Variants in SHISA9 observed in about 807,000 individuals in gnomAD.
SHISA9 encodes protein shisa-9.
Under a neutral mutation model 38.0 loss-of-function variants are expected in SHISA9, and 13 were observed. The observed-to-expected ratio is 0.34, with a 90% CI of 0.22 to 0.54. The LOEUF is 0.54. Among genes scored for constraint, SHISA9 ranks in the 20% least tolerant of loss-of-function variants. SHISA9 has a pLI of 0.91. For synonymous variants in SHISA9, 275 were observed against 242.0 expected (o/e 1.14, Z -1.27); for missense variants, 538 against 575.8 (o/e 0.93, Z 0.67).
chr16:13,531,727 G>C, the SHISA9 span, among the ~76,000 whole-genome samples: 1 of 152,134 alleles, frequency 6.6e-6, no homozygotes, highest in Non-Finnish European at 1.5e-5. Context: ...AGTAAGATGC[G>C]TAATCCCACC....
chr16:13,281,918 C>G, the SHISA9 span, among the ~76,000 whole-genome samples: 1 of 151,596 alleles, frequency 6.6e-6, no homozygotes, highest in Non-Finnish European at 1.5e-5. Context: ...GCTTTATATA[C>G]TTGTTTTATA....
intron 2 of SHISA9, among the ~76,000 whole-genome samples, chr16:13,200,935 T>A (rs2051000885): frequency 7.4e-6 from 1 of 135,526 alleles, no homozygotes; most frequent in African/African-American, 2.9e-5. Flanking sequence ...TCCGTATGCA[T>A]CAGGGGTTGA....
the SHISA9 span, among the ~76,000 whole-genome samples, chr16:13,534,224 CTT>C: frequency 2.6e-3 from 332 of 125,766 alleles, 1 homozygote; most frequent in African/African-American, 7.3e-3. Flanking sequence ...CACCATTTCA[CTT>C]TTTTTTTTTT....
At chr16:13,057,822 C>G (rs975781844) in intron 2 of SHISA9, among the ~76,000 whole-genome samples, 2 of 152,102 alleles carry the variant, frequency 1.3e-5, no homozygotes, top group Non-Finnish European at 2.9e-5. Flanking sequence ...CCACCACAGG[C>G]CCCATTGTGT....
intron 2 of SHISA9, among the ~76,000 whole-genome samples, chr16:13,155,116 G>GGAA (rs1183807852): frequency 1.3e-5 from 2 of 152,216 alleles, no homozygotes; most frequent in Non-Finnish European, 2.9e-5. Flanking sequence ...GGCTTGAAAT[G>GGAA]GAAGAGGCTG....
the SHISA9 span, chr16:13,258,582 C>G: frequency 6.6e-6 from 1 of 152,184 alleles, no homozygotes; most frequent in East Asian, 1.9e-4. Context: ...CTGATAAAGT[C>G]ATACCCGAAA....
At chr16:13,319,816 A>AT in the SHISA9 span, among the ~76,000 whole-genome samples, 4 of 151,632 alleles carry the variant, frequency 2.6e-5, no homozygotes, top group African/African-American at 9.7e-5. Flanking sequence ...AAAAAAAAAA[A>AT]ACAAGGCCAA....
At chr16:12,914,947 A>G (rs985985247) in intron 1 of SHISA9, among the ~76,000 whole-genome samples, 1 of 152,212 alleles carries the variant, frequency 6.6e-6, no homozygotes, top group Non-Finnish European at 1.5e-5. Context: ...TCGCTGCTGT[A>G]GTACGGTAAG....
chr16:13,361,959 CAGAG>C, the SHISA9 span, among the ~76,000 whole-genome samples: 1 of 152,140 alleles, frequency 6.6e-6, no homozygotes, highest in African/African-American at 2.4e-5. Flanking sequence ...GCTTTGGAGT[CAGAG>C]AGACCTAGAG....
chr16:13,346,643 T>G, the SHISA9 span, among the ~76,000 whole-genome samples: 1 of 152,224 alleles, frequency 6.6e-6, no homozygotes, highest in East Asian at 1.9e-4. Context: ...TATGTTTGTA[T>G]TTGTATAATT....
chr16:13,226,054 G>T (rs2051276204), intron 4 of SHISA9, among the ~76,000 whole-genome samples: 1 of 152,116 alleles, frequency 6.6e-6, no homozygotes, highest in Admixed American at 6.5e-5. Context: ...TTTATTAATG[G>T]GGCTTACAAG....
At chr16:13,354,405 A>T in the SHISA9 span, among the ~76,000 whole-genome samples, 1 of 149,374 alleles carries the variant, frequency 6.7e-6, no homozygotes, top group African/African-American at 2.5e-5. Flanking sequence ...TGGATCAGAG[A>T]GATACAGTCA....
At chr16:13,397,912 G>A in the SHISA9 span, among the ~76,000 whole-genome samples, 1 of 152,172 alleles carries the variant, frequency 6.6e-6, no homozygotes, top group Non-Finnish European at 1.5e-5. Flanking sequence ...TAATTGAGTG[G>A]AAGTAGCTCT....
At chr16:13,459,228 C>T in the SHISA9 span, among the ~76,000 whole-genome samples, 3 of 152,090 alleles carry the variant, frequency 2.0e-5, no homozygotes, top group South Asian at 2.1e-4. Flanking sequence ...AGGATGTGCC[C>T]GTACCTTACA....
the SHISA9 span, among the ~76,000 whole-genome samples, chr16:13,404,340 T>G: frequency 6.6e-6 from 1 of 152,188 alleles, no homozygotes; most frequent in Non-Finnish European, 1.5e-5. Context: ...AATGAGAATT[T>G]TGAAAGTTTT....
intron 2 of SHISA9, among the ~76,000 whole-genome samples, chr16:13,029,348 G>C (rs924527462): frequency 2.7e-5 from 4 of 148,658 alleles, no homozygotes; most frequent in Admixed American, 2.6e-4. Context: ...GCTTACGCCT[G>C]TAATCCCAGC....
At chr16:13,366,936 T>C in the SHISA9 span, among the ~76,000 whole-genome samples, 1 of 139,978 alleles carries the variant, frequency 7.1e-6, no homozygotes, top group Admixed American at 7.6e-5. Context: ...TGAGCTGAGA[T>C]CTCGCCACTG....
the SHISA9 span, among the ~76,000 whole-genome samples, chr16:13,347,155 A>G: frequency 6.6e-6 from 1 of 152,258 alleles, no homozygotes; most frequent in East Asian, 1.9e-4. Flanking sequence ...TTTTTATTTC[A>G]ACCAAAGAAA....
chr16:12,991,152 T>C (rs995615349), intron 2 of SHISA9, among the ~76,000 whole-genome samples: 1 of 152,332 alleles, frequency 6.6e-6, no homozygotes, highest in Non-Finnish European at 1.5e-5. Flanking sequence ...TGCTTATTCA[T>C]TGTTTGTATT....
Sources: gnomAD v4.1 joint callset for allele counts (sites outside exome capture counted in the v4.1 genomes callset) on GRCh38, gnomAD v4.1.1 for gene constraint, MANE v1.5 for transcripts, NCBI Gene and HGNC (gene_info 2026-07-23, HGNC 2026-07-21) for gene names.